PRKCE: variants seen among roughly 807,000 people sequenced by gnomAD.
The protein encoded by PRKCE is protein kinase C epsilon type.
A neutral mutation model predicts 85.4 loss-of-function variants in PRKCE; 16 were observed. The observed-to-expected ratio is 0.19, with a 90% confidence interval of 0.13 to 0.28. The LOEUF is 0.28. PRKCE is among the 10% of genes least tolerant of loss of function. The pLI is 1.00. For synonymous variants in PRKCE, 388 were observed against 371.5 expected (o/e 1.04, Z -0.51); for missense variants, 573 against 975.2 (o/e 0.59, Z 5.49).
chr2:45,904,799 G>T (rs183019114), intron 2 of PRKCE, among the ~76,000 whole-genome samples: 1 of 152,190 alleles, frequency 6.6e-6, no homozygotes, highest in African/African-American at 2.4e-5. Context: ...CCAGAAGCCT[G>T]CCTTTTCTCC....
chr2:46,013,441 G>A (rs910586100), intron 10 of PRKCE, among the ~76,000 whole-genome samples: 3 of 152,184 alleles, frequency 2.0e-5, no homozygotes, highest in African/African-American at 7.2e-5. Flanking sequence ...AGACTCAGGG[G>A]AGGGGGTCTT....
At position 46,068,126 on chromosome 2, in the gene PRKCE, C is replaced by T. The variant is rs1012597049; in HGVS notation, c.1438-18082C>T. Among the ~76,000 whole-genome samples the T allele has an allele frequency of 1.3e-5, 2 of 152,128 alleles. No homozygotes were observed. The highest frequency in any genetic ancestry group is 2.9e-5 in the Non-Finnish European group (2 of 68,016). On this transcript the variant is annotated intron_variant, in intron 10 of 14. Coordinates refer to ENST00000306156, the MANE Select transcript of PRKCE (RefSeq NM_005400.3). This position sits in a 1 kb window ranked among gnomAD's most constrained non-coding sequence, Gnocchi z 4.3. Reference sequence around the variant, plus strand: ...CTTTTACATTATCAGTGGGTAGAATCTCCCTTTGAGATTCTTAACAGAGGG... The same window carrying T: ...CTTTTACATTATCAGTGGGTAGAATTTCCCTTTGAGATTCTTAACAGAGGG...
At chr2:45,692,099 A>G (rs1371388124) in intron 1 of PRKCE, among the ~76,000 whole-genome samples, 1 of 152,158 alleles carries the variant, frequency 6.6e-6, no homozygotes, top group Non-Finnish European at 1.5e-5. Flanking sequence ...TCATGAATTC[A>G]CCAAGAAGTT....
At chr2:45,874,061 G>A (rs972138589) in intron 2 of PRKCE, among the ~76,000 whole-genome samples, 1 of 152,236 alleles carries the variant, frequency 6.6e-6, no homozygotes, top group Non-Finnish European at 1.5e-5. Flanking sequence ...AGGAGGGTTA[G>A]ATGATATAGT....
rs547706115 is a variant in PRKCE, at chr2:45,868,330, A to G, written c.412+25267A>G. On this transcript the variant is annotated intron_variant, in intron 2 of 14. Coordinates refer to ENST00000306156, the MANE Select transcript of PRKCE (RefSeq NM_005400.3). ...TCCCCTTTCCTGTCCAAAAAAAAAA[A>G]AAAAAAAAAAAACTTTTTAGGGCAG... Among the ~76,000 whole-genome samples, 3 of 146,690 alleles carry G rather than the reference A, an allele frequency of 2.0e-5. No individual in the cohort carries two copies. The South Asian group carries it at 6.4e-4, about 31-fold the overall frequency.
intron 10 of PRKCE, among the ~76,000 whole-genome samples, chr2:46,061,428 CT>C (rs199899618): frequency 4.7e-4 from 54 of 114,422 alleles, no homozygotes; most frequent in South Asian, 5.5e-4. Context: ...ATTTTTTATT[CT>C]TTTTTTTCCC....
intron 1 of PRKCE, among the ~76,000 whole-genome samples, chr2:45,706,091 A>G (rs985448817): frequency 7.2e-5 from 11 of 152,174 alleles, no homozygotes; most frequent in Non-Finnish European, 1.5e-5. Flanking sequence ...CAGAGATTTC[A>G]CCTGAGAATA....
intron 6 of PRKCE, among the ~76,000 whole-genome samples, chr2:45,986,280 G>A (rs957179724): frequency 6.6e-6 from 1 of 152,238 alleles, no homozygotes; most frequent in African/African-American, 2.4e-5. Context: ...GTGGGATGGA[G>A]CCCAAGTGCT....
At chr2:46,102,145 C>G (rs914019719) in intron 11 of PRKCE, among the ~76,000 whole-genome samples, 4 of 152,142 alleles carry the variant, frequency 2.6e-5, no homozygotes, top group Admixed American at 2.6e-4. Flanking sequence ...CCATGGAAAT[C>G]AGCAAGGGTT....
chr2:45,935,782 CAA>C lies in PRKCE; in HGVS notation c.413-40631_413-40630del, dbSNP rs11332351. ...CCCACACGACAAAGTGAGACTGTCT[CAA>C]AAAAAAAAAAAAAAATCGCAGCTTA... On this transcript the variant is annotated intron_variant, in intron 2 of 14. Transcript: ENST00000306156. Among the ~76,000 whole-genome samples, 705 of 134,626 alleles carry C rather than the reference CAA, an allele frequency of 5.2e-3. 7 individuals carry two copies. The highest frequency in any genetic ancestry group is 0.018 in the African/African-American group (658 of 36,340). The allele number at this position is 134,626 out of a possible 152,430, so 88.3% of individuals were successfully genotyped here.
intron 2 of PRKCE, among the ~76,000 whole-genome samples, chr2:45,911,635 C>A (rs1297943531): frequency 6.6e-6 from 1 of 152,146 alleles, no homozygotes; most frequent in Non-Finnish European, 1.5e-5. Context: ...TTTTCTATGA[C>A]TTTAGGAATG....
intron 10 of PRKCE, among the ~76,000 whole-genome samples, chr2:46,083,464 G>T (rs1558434473): frequency 6.6e-6 from 1 of 152,150 alleles, no homozygotes; most frequent in Non-Finnish European, 1.5e-5. Flanking sequence ...CAGAGATTTG[G>T]AGTCTCCTAA....
At chr2:45,747,309 A>C (rs1558627517) in intron 1 of PRKCE, among the ~76,000 whole-genome samples, 1 of 152,122 alleles carries the variant, frequency 6.6e-6, no homozygotes. Flanking sequence ...ACTCTCCAGA[A>C]CTCTTTTACC....
At chr2:45,908,281 A>G (rs1697130527) in intron 2 of PRKCE, among the ~76,000 whole-genome samples, 1 of 152,206 alleles carries the variant, frequency 6.6e-6, no homozygotes, top group South Asian at 2.1e-4. Context: ...ACTCCTAGGC[A>G]CTGGGAAGAA....
intron 1 of PRKCE, among the ~76,000 whole-genome samples, chr2:45,769,418 C>T (rs1317972659): frequency 6.6e-6 from 1 of 152,066 alleles, no homozygotes; most frequent in Admixed American, 6.5e-5. Flanking sequence ...TACATATCTG[C>T]ATCTGTGTGT....
At chr2:45,978,717 G>C in intron 3 of PRKCE, 1 of 420,308 alleles carries the variant, frequency 2.4e-6, no homozygotes, top group Non-Finnish European at 4.3e-6. Context: ...TGACCACACA[G>C]GAATGGCTCT....
At chr2:45,844,278 T>G (rs1407442516) in intron 2 of PRKCE, among the ~76,000 whole-genome samples, 1 of 152,230 alleles carries the variant, frequency 6.6e-6, no homozygotes, top group Non-Finnish European at 1.5e-5. Context: ...GGCATAGGTT[T>G]AAAACTTTAA....
intron 10 of PRKCE, among the ~76,000 whole-genome samples, chr2:46,052,192 C>T (rs1049858406): frequency 6.6e-6 from 1 of 152,166 alleles, no homozygotes; most frequent in African/African-American, 2.4e-5. Context: ...AGATTTGAAC[C>T]ACTTTCAAAA....
intron 2 of PRKCE, among the ~76,000 whole-genome samples, chr2:45,956,521 GA>G (rs112737184): frequency 0.011 from 1,475 of 137,136 alleles, 16 homozygotes; most frequent in African/African-American, 0.031. Flanking sequence ...TCTCTACTAA[GA>G]AAAAAAAAAA....
Sources: allele counts gnomAD v4.1 joint callset (sites outside exome capture counted in the v4.1 genomes callset), GRCh38; gene constraint gnomAD v4.1.1; non-coding constraint Gnocchi (gnomAD v3.1); transcripts MANE v1.5; gene names NCBI Gene and HGNC (gene_info 2026-07-23, HGNC 2026-07-21).